Variants in HPS5 observed in about 807,000 individuals in gnomAD.
HPS5 encodes BLOC-2 complex member HPS5.
In HPS5, 83 loss-of-function variants were observed where a neutral mutation model predicts 128.0. The observed-to-expected ratio is 0.65, with a 90% confidence interval of 0.54 to 0.78. The LOEUF is 0.78. HPS5 is among the 30% of genes least tolerant of loss of function. HPS5 has a pLI of 0.00. For synonymous variants in HPS5, 475 were observed against 470.2 expected, an observed-to-expected ratio of 1.01 and a Z score of -0.13; for missense variants, 1,281 against 1,326.2, an observed-to-expected ratio of 0.97 and a Z score of 0.53.
rs777626702 is a variant in HPS5 at position 18,287,642 on chromosome 11, G to T, written c.2610C>A (p.Phe870Leu). ...GESALRSLIKFFPSILPSDII... is the reference protein window; with the variant it reads ...GESALRSLIKLFPSILPSDII... ...TATCCGATGGCAAAATGGATGGAAA[G>T]AACTTGATTAAGGATCGAAGAGCAG... Residue 870 changes from phenylalanine (F) to leucine (L), a missense_variant, in exon 18 of 23, where the codon TTC becomes TTA. Physicochemically the swap from Phe to Leu is conservative, Grantham distance 22. Transcript: ENST00000349215. 1 of 1,614,146 alleles carries T rather than the reference G, an allele frequency of 6.2e-7. No homozygotes were observed. Among genetic ancestry groups the T allele is most frequent in the Non-Finnish European group, 8.5e-7 (1 of 1,180,006 alleles).
At chr11:18,312,067 T>A in intron 2 of HPS5, 43 bp from the exon 3 acceptor site, 1 of 1,415,504 alleles carries the variant, frequency 7.1e-7, no homozygotes, top group Non-Finnish European at 1.0e-6. Flanking sequence ...CACAGCTACT[T>A]AACCAAATAG....
At position 18,305,509 on chromosome 11, in the gene HPS5, A is replaced by G. The variant is rs186991064; in HGVS notation, c.825-16T>C. The G allele has an allele frequency of 1.4e-3, 2,213 of 1,556,020 alleles. 4 individuals carry two copies. Among genetic ancestry groups the G allele is most frequent in the Middle Eastern group, 1.7e-3 (10 of 5,952 alleles). ...AGGTTCTGATCTAGAAAGTAAACACATCTGTTAATGAGTTTATCTGTTAAA... is the reference window on the plus strand; with the variant it reads ...AGGTTCTGATCTAGAAAGTAAACACGTCTGTTAATGAGTTTATCTGTTAAA... On this transcript the variant is annotated splice_polypyrimidine_tract_variant and intron_variant, in intron 7 of 22. Coordinates refer to ENST00000349215, the MANE Select transcript of HPS5 (RefSeq NM_181507.2).
chr11:18,298,727 A>C, intron 10 of HPS5, 65 bp downstream of exon 10: 1 of 1,530,254 alleles, frequency 6.5e-7, no homozygotes, highest in South Asian at 1.1e-5. Flanking sequence ...TTTGTAACAC[A>C]ATCTTGCAAG....
chr11:18,285,691 T>C (rs1239463078), intron 19 of HPS5, among the ~76,000 whole-genome samples: 2 of 152,242 alleles, frequency 1.3e-5, no homozygotes, highest in African/African-American at 4.8e-5. Context: ...TTCTTTTTTC[T>C]TCTTTTAATT....
In HPS5 at chr11:18,296,804, T is replaced by C; in HGVS notation, c.1504A>G (p.Asn502Asp). The C allele has an allele frequency of 6.2e-7, 1 of 1,614,042 alleles. No individual in the cohort carries two copies. Among genetic ancestry groups the C allele is most frequent in the South Asian group, 1.1e-5 (1 of 91,078 alleles). ...LPDQCCGSHG[N>D]EDNVSHAPVM... ...CAACAGACACATTCATCACCTTCAT[T>C]TCCGTGTGAGCCACAACACTGATCT... Residue 502 changes from asparagine to aspartate, a missense_variant, in exon 12 of 23, where the codon AAT becomes GAT. By Grantham distance (23) the Asn-to-Asp change is conservative (BLOSUM62 1). Transcript: ENST00000349215.
intron 5 of HPS5, 81 bp downstream of exon 5, chr11:18,310,660 A>G (rs1317053695): frequency 1.7e-6 from 2 of 1,166,558 alleles, no homozygotes; most frequent in African/African-American, 3.1e-5. Flanking sequence ...CAGTAGATAA[A>G]ATCACATCCT....
In HPS5 at chr11:18,282,034, A is replaced by G; in HGVS notation, c.3245T>C (p.Leu1082Pro). 1.2e-6 allele frequency: 2 copies of G among 1,614,222 alleles called. No individual in the cohort carries two copies. Among genetic ancestry groups the G allele is most frequent in the South Asian group, 2.2e-5 (2 of 91,086 alleles). Reference sequence around the variant, plus strand: ...CTCAAGGGCCAGACCACATTCCTGTAGCAGTGACCAAGCCCGATCTGGGCC... The same window carrying G: ...CTCAAGGGCCAGACCACATTCCTGTGGCAGTGACCAAGCCCGATCTGGGCC... ...AMGPDRAWSL[L>P]QECGLALELS... is the part of the protein sequence containing the mutation. The change falls in exon 22 of 23, where the codon CTA (leucine) becomes CCA (proline). Residue 1082 changes from leucine (L) to proline (P), a missense_variant. By Grantham distance (98) the Leu-to-Pro change is moderately conservative (BLOSUM62 -3). Transcript: ENST00000349215.
At chr11:18,289,682 T>C (rs1403971505) in intron 16 of HPS5, among the ~76,000 whole-genome samples, 1 of 152,226 alleles carries the variant, frequency 6.6e-6, no homozygotes, top group Non-Finnish European at 1.5e-5. Context: ...TTAAGTAAGA[T>C]GACATAAAAA....
At chr11:18,304,216 C>CTTTT (rs778919142) in intron 8 of HPS5, among the ~76,000 whole-genome samples, 1 of 135,524 alleles carries the variant, frequency 7.4e-6, no homozygotes, top group Non-Finnish European at 1.6e-5. Flanking sequence ...CTATAATTCA[C>CTTTT]TTTTTTTTTT....
At chr11:18,315,942 T>C (rs752650497) in intron 2 of HPS5, among the ~76,000 whole-genome samples, 5 of 152,186 alleles carry the variant, frequency 3.3e-5, no homozygotes, top group Non-Finnish European at 7.3e-5. Flanking sequence ...ACATTCTCCA[T>C]ATCCCCACTT....
chr11:18,297,502 C>T, intron 11 of HPS5, 57 bp downstream of exon 11: 2 of 1,531,478 alleles, frequency 1.3e-6, no homozygotes, highest in Non-Finnish European at 9.0e-7. Flanking sequence ...TAAATAAGAA[C>T]AACCGAAGAT....
Position 18,283,855 on chromosome 11 carries a change from TTCTTC to T in HPS5, c.2993_2997del (p.Arg998LysfsTer12). On this transcript the variant is annotated frameshift_variant, in exon 21 of 23. Coordinates refer to ENST00000349215, the MANE Select transcript of HPS5 (RefSeq NM_181507.2). LOFTEE classifies it high-confidence loss of function. ...TACACAATATTGGTGAAGGCCTCTCTTCTTCTCTCCAGCTCCAAACAGAGAATTAG... is the reference window on the plus strand; with the variant it reads ...TACACAATATTGGTGAAGGCCTCTCTTCTCCAGCTCCAAACAGAGAATTAG... The T allele has an allele frequency of 6.2e-7, 1 of 1,613,490 alleles. No homozygotes were observed. Among genetic ancestry groups the T allele is most frequent in the Non-Finnish European group, 8.5e-7 (1 of 1,179,646 alleles).
In HPS5 at chr11:18,292,002, G is replaced by C. The variant is rs1472873376; in HGVS notation, c.1880C>G (p.Pro627Arg). Residue 627 changes from proline (P) to arginine (R), a missense_variant, in exon 16 of 23, where the codon CCT becomes CGT. Transcript: ENST00000349215. ...AGACTCGGATTCAAATAAAACCAGA[G>C]GGTCCTGTAGCTTGGTCCTATACAA... is the stretch of plus-strand genomic sequence containing the variant. Reference protein sequence around the residue: ...TAEAMTKLQDPLVLFESESLR... With the variant: ...TAEAMTKLQDRLVLFESESLR... 4 of 1,613,598 alleles carry C rather than the reference G, an allele frequency of 2.5e-6. No individual in the cohort carries two copies. In the African/African-American group the frequency reaches 4.0e-5, roughly 16 times the overall value.
chr11:18,292,485 C>G, intron 15 of HPS5, among the ~76,000 whole-genome samples: 1 of 152,294 alleles, frequency 6.6e-6, no homozygotes, highest in East Asian at 1.9e-4. Flanking sequence ...TGAGCCACCA[C>G]GCCCAGCCTA....
intron 16 of HPS5, 70 bp downstream of exon 16, chr11:18,291,372 C>A: frequency 1.0e-6 from 1 of 960,834 alleles, no homozygotes; most frequent in Non-Finnish European, 1.6e-6. Flanking sequence ...TTTTTTAAAC[C>A]CCAAAATTCA....
At position 18,310,872 on chromosome 11, in the gene HPS5, A is replaced by G. The variant is rs757621458; in HGVS notation, c.346T>C (p.Tyr116His). 4.3e-6 allele frequency: 7 copies of G among 1,612,404 alleles called. No homozygotes were observed. In the African/African-American group the frequency reaches 6.7e-5, roughly 15 times the overall value. The part of the protein sequence containing the change: ...QERRGKPEQM[Y>H]VSSEHKGRRV... ...CGGCCTTTGTGTTCTGAAGACACATACATTTGTTCCGGTTTCCCACGACGC... is the reference window on the plus strand; with the variant it reads ...CGGCCTTTGTGTTCTGAAGACACATGCATTTGTTCCGGTTTCCCACGACGC... Residue 116 changes from tyrosine to histidine, a missense_variant, in exon 5 of 23, where the codon TAT becomes CAT. Tyr to His is a moderately conservative substitution (Grantham distance 83, BLOSUM62 2). Transcript: ENST00000349215.
At chr11:18,321,602 G>A (rs1409293175) in intron 1 of HPS5, among the ~76,000 whole-genome samples, 1 of 152,190 alleles carries the variant, frequency 6.6e-6, no homozygotes, top group Non-Finnish European at 1.5e-5. Context: ...ATAGTTCAGT[G>A]TTTGTTGCTC....
At chr11:18,285,493 G>C in intron 19 of HPS5, 34 bp from the exon 20 acceptor site, 3 of 1,382,196 alleles carry the variant, frequency 2.2e-6, no homozygotes, top group Non-Finnish European at 3.1e-6. Context: ...AAATTAGATA[G>C]GAAATAAACT....
At chr11:18,287,801 C>G in intron 17 of HPS5, 92 bp downstream of exon 17, 1 of 1,587,718 alleles carries the variant, frequency 6.3e-7, no homozygotes, top group Non-Finnish European at 8.6e-7. Flanking sequence ...CAGAAGCTGC[C>G]TCATATGCAA....
Sources: gnomAD v4.1 joint callset for allele counts (sites outside exome capture counted in the v4.1 genomes callset) on GRCh38, gnomAD v4.1.1 for gene constraint, MANE v1.5 for transcripts, NCBI Gene and HGNC (gene_info 2026-07-23, HGNC 2026-07-21) for gene names.